The following RBFOX1 variants were observed in gnomAD, a reference collection of about 807,000 sequenced individuals.
RBFOX1 encodes the protein RNA binding protein fox-1 homolog 1.
In RBFOX1, 8 loss-of-function variants were observed where a neutral mutation model predicts 57.7. That is an observed-to-expected ratio of 0.14 (90% CI 0.08 to 0.25). The LOEUF is 0.25. Among genes scored for constraint, RBFOX1 ranks in the 10% least tolerant of loss-of-function variants. The probability of loss-of-function intolerance (pLI) is 1.00; values close to 1 mark genes in which losing one functional copy is unlikely to be tolerated. For missense variants in RBFOX1, 611 were observed against 548.5 expected, an observed-to-expected ratio of 1.11 and a Z score of -1.14; for synonymous variants, 326 against 222.4, an observed-to-expected ratio of 1.47 and a Z score of -4.15.
chr16:7,184,556 G>T, intron 4 of RBFOX1, among the ~76,000 whole-genome samples: 1 of 152,188 alleles, frequency 6.6e-6, no homozygotes. Flanking sequence ...TGACATATTG[G>T]CTGTGCCTTT....
At chr16:7,470,188 C>T (rs2061312247) in intron 4 of RBFOX1, among the ~76,000 whole-genome samples, 2 of 152,190 alleles carry the variant, frequency 1.3e-5, no homozygotes, top group African/African-American at 4.8e-5. Context: ...CAGGTGCACC[C>T]TTGGGTCATC....
intron 4 of RBFOX1, among the ~76,000 whole-genome samples, chr16:7,098,413 A>G (rs1024676179): frequency 1.3e-5 from 2 of 152,070 alleles, no homozygotes; most frequent in Non-Finnish European, 2.9e-5. Flanking sequence ...CAAGTGATCC[A>G]CCTGCCTAGG....
intron 3 of RBFOX1, among the ~76,000 whole-genome samples, chr16:6,701,803 A>G (rs1338260362): frequency 2.0e-5 from 3 of 152,196 alleles, no homozygotes; most frequent in Admixed American, 1.3e-4. Flanking sequence ...CTTTGCAGCA[A>G]CATGGATGGA....
chr16:6,104,094 C>A (rs192833448), intron 1 of RBFOX1, among the ~76,000 whole-genome samples: 2 of 151,818 alleles, frequency 1.3e-5, no homozygotes, highest in Admixed American at 1.3e-4. Flanking sequence ...ACAGTCATAG[C>A]CTTCTAATTA....
intron 3 of RBFOX1, among the ~76,000 whole-genome samples, chr16:5,755,313 C>T (rs2053353757): frequency 6.6e-6 from 1 of 151,850 alleles, no homozygotes; most frequent in Non-Finnish European, 1.5e-5. Flanking sequence ...CTTCTTTCTA[C>T]ACAGACACAG....
At chr16:5,520,647 A>G (rs1212267643) in intron 2 of RBFOX1, among the ~76,000 whole-genome samples, 1 of 152,172 alleles carries the variant, frequency 6.6e-6, no homozygotes, top group Non-Finnish European at 1.5e-5. Flanking sequence ...GATCACATCT[A>G]TTTGCTCTCT....
At chr16:6,752,564 G>C (rs1221741461) in intron 3 of RBFOX1, among the ~76,000 whole-genome samples, 2 of 152,184 alleles carry the variant, frequency 1.3e-5, no homozygotes, top group Non-Finnish European at 1.5e-5. Context: ...AAAGAATAGA[G>C]TGATACTCTT....
At chr16:5,634,739 C>G (rs1311798871) in intron 3 of RBFOX1, among the ~76,000 whole-genome samples, 1 of 152,176 alleles carries the variant, frequency 6.6e-6, no homozygotes, top group Admixed American at 6.5e-5. Flanking sequence ...CGTATTCTCT[C>G]CATTTCTCTT....
chr16:6,806,393 C>G (rs941535554), intron 3 of RBFOX1, among the ~76,000 whole-genome samples: 2 of 152,044 alleles, frequency 1.3e-5, no homozygotes, highest in African/African-American at 2.4e-5. Context: ...TAAGGAAAAA[C>G]CAGAAAGACT....
chr16:5,597,676 A>G (rs940703370), intron 2 of RBFOX1, among the ~76,000 whole-genome samples: 1 of 152,050 alleles, frequency 6.6e-6, no homozygotes, highest in African/African-American at 2.4e-5. Flanking sequence ...TTGATTAATG[A>G]CATTGTAGAG....
intron 3 of RBFOX1, among the ~76,000 whole-genome samples, chr16:6,898,058 G>A (rs528808607): frequency 6.6e-6 from 1 of 152,276 alleles, no homozygotes; most frequent in East Asian, 1.9e-4. Context: ...TTTATATAAT[G>A]CCTGATACTT....
At chr16:6,803,726 C>G (rs1191887679) in intron 3 of RBFOX1, among the ~76,000 whole-genome samples, 1 of 152,018 alleles carries the variant, frequency 6.6e-6, no homozygotes, top group East Asian at 1.9e-4. Context: ...TTTGGCTTAT[C>G]TTGCTTAAGA....
intron 3 of RBFOX1, among the ~76,000 whole-genome samples, chr16:6,688,143 G>A (rs2059709236): frequency 6.6e-6 from 1 of 151,998 alleles, no homozygotes; most frequent in African/African-American, 2.4e-5. Flanking sequence ...GAAGCACCAC[G>A]GCTTCTGGGG....
At chr16:7,079,132 T>C (rs1434429698) in intron 4 of RBFOX1, among the ~76,000 whole-genome samples, 9 of 152,098 alleles carry the variant, frequency 5.9e-5, no homozygotes, top group Non-Finnish European at 1.5e-5. Context: ...GCAGGAGCCA[T>C]ACATTGTCTG....
intron 4 of RBFOX1, among the ~76,000 whole-genome samples, chr16:7,067,065 G>C (rs1384939524): frequency 2.6e-5 from 4 of 152,136 alleles, no homozygotes; most frequent in Admixed American, 6.6e-5. Flanking sequence ...TTAAGCTGAA[G>C]GGACACACAC....
chr16:7,163,630 T>C (rs1442170735), intron 4 of RBFOX1, among the ~76,000 whole-genome samples: 7 of 152,176 alleles, frequency 4.6e-5, no homozygotes, highest in African/African-American at 1.2e-4. Context: ...TTTTCAAGTT[T>C]TATTTATGTG....
intron 3 of RBFOX1, among the ~76,000 whole-genome samples, chr16:6,971,550 A>G (rs972377932): frequency 6.6e-6 from 1 of 151,844 alleles, no homozygotes; most frequent in South Asian, 2.1e-4. Flanking sequence ...TTTTGAGCAA[A>G]AGAAATGTGT....
chr16:5,577,834 A>G (rs2046520381), intron 2 of RBFOX1, among the ~76,000 whole-genome samples: 1 of 152,208 alleles, frequency 6.6e-6, no homozygotes, highest in Non-Finnish European at 1.5e-5. Context: ...TTAGGTTGGA[A>G]ACTGTCAAAG....
At chr16:7,626,413 C>G (rs948496020) in intron 10 of RBFOX1, among the ~76,000 whole-genome samples, 4 of 152,182 alleles carry the variant, frequency 2.6e-5, no homozygotes, top group African/African-American at 9.6e-5. Context: ...ATTCAAAATC[C>G]TGCTGGAGAG....
Sources: gnomAD v4.1 joint callset for allele counts (sites outside exome capture counted in the v4.1 genomes callset) on GRCh38, gnomAD v4.1.1 for gene constraint, MANE v1.5 for transcripts, NCBI Gene and HGNC (gene_info 2026-07-23, HGNC 2026-07-21) for gene names.